The following PCDHGA1 variants were observed in gnomAD, a reference collection of about 807,000 sequenced individuals.
The protein encoded by PCDHGA1 is protocadherin gamma subfamily A, 1.
Under a neutral mutation model 58.0 loss-of-function variants are expected in PCDHGA1, and 32 were observed. The observed-to-expected ratio is 0.55, with a 90% CI of 0.42 to 0.74. The LOEUF is 0.74. Ranked by LOEUF, PCDHGA1 falls within the 30% of genes least tolerant of loss-of-function variation. The probability of loss-of-function intolerance (pLI) is 0.00; values close to 1 mark genes in which losing one functional copy is unlikely to be tolerated. For synonymous variants in PCDHGA1, 498 were observed against 501.1 expected (o/e 0.99, Z 0.08); for missense variants, 1,205 against 1,182.3 (o/e 1.02, Z -0.28).
intron 1 of PCDHGA1, chr5:141,403,037 A>G (rs1561685258): frequency 9.3e-6 from 15 of 1,613,972 alleles, no homozygotes; most frequent in South Asian, 5.5e-5. Flanking sequence ...GGCCAGGGCC[A>G]GTCAGATTCG....
At chr5:141,384,550 T>C (rs1262991038) in intron 1 of PCDHGA1, 1 of 1,614,220 alleles carries the variant, frequency 6.2e-7, no homozygotes, top group Non-Finnish European at 8.5e-7. Context: ...ACTGAGCCTG[T>C]TCGTGCTGGA....
chr5:141,449,095 T>C (rs2098628347), intron 1 of PCDHGA1, among the ~76,000 whole-genome samples: 1 of 152,204 alleles, frequency 6.6e-6, no homozygotes. Flanking sequence ...AGTTTTTACA[T>C]ATGCAGTATA....
At position 141,394,947 on chromosome 5, in the gene PCDHGA1, C is replaced by T. The variant is rs536743847; in HGVS notation, c.2421+61842C>T. The T allele has an allele frequency of 1.7e-5, 27 of 1,613,892 alleles. No homozygotes were observed. In the African/African-American group the frequency reaches 2.8e-4, roughly 17 times the overall value. Reference sequence around the variant, plus strand: ...CTTCCTCGCCTTTGTCGCTGTGCTTCTGGGGCTCAGGCTGAGGCGCTGGCA... The same window carrying T: ...CTTCCTCGCCTTTGTCGCTGTGCTTTTGGGGCTCAGGCTGAGGCGCTGGCA... On this transcript the variant is annotated intron_variant, in intron 1 of 3. Coordinates refer to ENST00000517417, the MANE Select transcript of PCDHGA1 (RefSeq NM_018912.3).
At chr5:141,372,583 G>A (rs1768892423) in intron 1 of PCDHGA1, 2 of 1,613,908 alleles carry the variant, frequency 1.2e-6, no homozygotes, top group Admixed American at 1.7e-5. Flanking sequence ...TTTCAGCCTG[G>A]TGTCTGCTTC....
At chr5:141,438,595 T>C (rs11949887) in intron 1 of PCDHGA1, among the ~76,000 whole-genome samples, 1,254 of 57,838 alleles carry the variant, frequency 0.022, 9 homozygotes, top group Non-Finnish European at 0.023. Flanking sequence ...TACATACATA[T>C]ATATATATAT....
At chr5:141,469,408 C>A (rs765861544) in intron 1 of PCDHGA1, among the ~76,000 whole-genome samples, 20 of 152,008 alleles carry the variant, frequency 1.3e-4, no homozygotes, top group Non-Finnish European at 2.6e-4. Flanking sequence ...AACCCCGTTT[C>A]TACTAAAAAT....
At chr5:141,352,240 C>T in intron 1 of PCDHGA1, 1 of 1,614,078 alleles carries the variant, frequency 6.2e-7, no homozygotes, top group Non-Finnish European at 8.5e-7. Context: ...ACCTAATCTT[C>T]GCGGATAGCC....
intron 1 of PCDHGA1, among the ~76,000 whole-genome samples, chr5:141,474,703 C>G (rs2099353282): frequency 6.6e-6 from 1 of 152,188 alleles, no homozygotes; most frequent in Admixed American, 6.5e-5. Flanking sequence ...GTTCAAGGTT[C>G]TATTATACTT....
intron 1 of PCDHGA1, chr5:141,345,848 C>T (rs200129248): frequency 1.4e-5 from 23 of 1,613,204 alleles, no homozygotes; most frequent in East Asian, 2.2e-5. Flanking sequence ...CCTGGCTGTC[C>T]TACCGCCTGC....
Position 141,490,350 on chromosome 5 carries a change from G to T in PCDHGA1, c.2422-4457G>T. On this transcript the variant is annotated intron_variant, in intron 1 of 3. Transcript: ENST00000517417. This position sits in a 1 kb window ranked among gnomAD's most constrained non-coding sequence, Gnocchi z 5.4. Reference sequence around the variant, plus strand: ...GCACACCAGTGGGCACAGTAGTGGGGTTGTTTAATGTGCGAGACCGGGACT... The same window carrying T: ...GCACACCAGTGGGCACAGTAGTGGGTTTGTTTAATGTGCGAGACCGGGACT... 2 of 1,614,204 alleles carry T rather than the reference G, an allele frequency of 1.2e-6. No homozygotes were observed. The highest frequency in any genetic ancestry group is 1.7e-6 in the Non-Finnish European group (2 of 1,180,034).
intron 1 of PCDHGA1, among the ~76,000 whole-genome samples, chr5:141,363,030 AT>A (rs749692043): frequency 2.6e-5 from 4 of 152,260 alleles, no homozygotes; most frequent in Non-Finnish European, 4.4e-5. Context: ...ACATTGTCCC[AT>A]TGACTTGAAG....
At chr5:141,410,441 A>C (rs1242063924) in intron 1 of PCDHGA1, 1 of 1,613,828 alleles carries the variant, frequency 6.2e-7, no homozygotes, top group South Asian at 1.1e-5. Flanking sequence ...CAGTGAGGGG[A>C]CTTTGCCTTA....
chr5:141,433,329 G>A, intron 1 of PCDHGA1: 1 of 702,998 alleles, frequency 1.4e-6, no homozygotes, highest in Non-Finnish European at 2.4e-6. Context: ...GTGTAACAGG[G>A]ACTACAGGTG....
In PCDHGA1 at chr5:141,506,418, G is replaced by A. The variant is rs2099853241; in HGVS notation, c.2569+937G>A. Among the ~76,000 whole-genome samples, 3 of 141,160 alleles carry A rather than the reference G, an allele frequency of 2.1e-5. No homozygotes were observed. The South Asian group carries it at 6.6e-4, about 31-fold the overall frequency. 92.6% of individuals were successfully genotyped at this position (141,160 alleles called of 152,430 possible). The stretch of plus-strand genomic sequence containing the variant: ...CAGAAAATCGCACCACTGCACTCCA[G>A]CCTGGGCAACAGTCTCGCTCTGTCT... On this transcript the variant is annotated intron_variant, in intron 3 of 3. Coordinates refer to ENST00000517417, the MANE Select transcript of PCDHGA1 (RefSeq NM_018912.3).
intron 1 of PCDHGA1, among the ~76,000 whole-genome samples, chr5:141,472,437 G>A (rs1332528325): frequency 6.6e-6 from 1 of 152,116 alleles, no homozygotes; most frequent in Non-Finnish European, 1.5e-5. Flanking sequence ...CTACTAGGGA[G>A]GCTGAGGCAG....
chr5:141,465,893 C>A (rs926928579), intron 1 of PCDHGA1, among the ~76,000 whole-genome samples: 1 of 151,962 alleles, frequency 6.6e-6, no homozygotes, highest in Non-Finnish European at 1.5e-5. Context: ...GAGGCCGAGG[C>A]GGGCAAATCA....
chr5:141,461,040 G>A (rs536064886), intron 1 of PCDHGA1, among the ~76,000 whole-genome samples: 123 of 150,514 alleles, frequency 8.2e-4, no homozygotes, highest in East Asian at 2.5e-3. Flanking sequence ...CTCATTAGTC[G>A]ATGGGGACTT....
At chr5:141,369,035 T>C (rs1765998324) in intron 1 of PCDHGA1, among the ~76,000 whole-genome samples, 1 of 152,204 alleles carries the variant, frequency 6.6e-6, no homozygotes. Context: ...TGCCTAGTTT[T>C]AGAGTAACAA....
chr5:141,443,317 CA>C (rs35054295), intron 1 of PCDHGA1, among the ~76,000 whole-genome samples: 28 of 142,048 alleles, frequency 2.0e-4, no homozygotes, highest in Non-Finnish European at 2.6e-4. Flanking sequence ...CCCATCTCTA[CA>C]AAAAAAAAAA....
Sources: allele counts gnomAD v4.1 joint callset (sites outside exome capture counted in the v4.1 genomes callset), GRCh38; gene constraint gnomAD v4.1.1; non-coding constraint Gnocchi (gnomAD v3.1); transcripts MANE v1.5; gene names NCBI Gene and HGNC (gene_info 2026-07-23, HGNC 2026-07-21).